CHFR: variants seen among roughly 807,000 people sequenced by gnomAD.
CHFR encodes E3 ubiquitin-protein ligase CHFR.
A neutral mutation model predicts 87.6 loss-of-function variants in CHFR; 57 were observed. The ratio of observed to expected loss-of-function variants is 0.65; its 90% confidence interval spans 0.53 to 0.81. The LOEUF (loss-of-function observed/expected upper bound fraction) is 0.81, where lower values mean the gene tolerates loss of function less well. CHFR is among the 30% of genes least tolerant of loss of function. CHFR has a pLI of 0.00. For synonymous variants in CHFR, 381 were observed against 359.2 expected (o/e 1.06, Z -0.69); for missense variants, 797 against 865.8 (o/e 0.92, Z 1.00).
intron 2 of CHFR, among the ~76,000 whole-genome samples, chr12:132,884,161 G>A (rs1181330877): frequency 6.6e-6 from 1 of 151,542 alleles, no homozygotes; most frequent in Admixed American, 6.6e-5. Flanking sequence ...GCTCACGCCT[G>A]TAATCCCAGC....
intron 9 of CHFR, 143 bp downstream of exon 9, chr12:132,857,262 A>G (rs1406263359): frequency 3.5e-5 from 30 of 854,072 alleles, no homozygotes; most frequent in Non-Finnish European, 5.2e-5. Flanking sequence ...TGGTGGAGGG[A>G]CCACCCTCAC....
intron 14 of CHFR, chr12:132,847,846 A>T: frequency 2.2e-6 from 3 of 1,366,224 alleles, no homozygotes; most frequent in Non-Finnish European, 2.8e-6. Context: ...GCTCCTACGA[A>T]TTGGTGGCAG....
rs147700426 is a variant in CHFR, at chr12:132,868,663, G to C, written c.583+956C>G. Among the ~76,000 whole-genome samples, 754 of 152,338 alleles carry C rather than the reference G, an allele frequency of 4.9e-3. 5 individuals are homozygous for C. Among genetic ancestry groups the C allele is most frequent in the African/African-American group, 0.017 (698 of 41,564 alleles). ...CCACTGCACTCCAGCCTGAGCGACA[G>C]AGCGAGACTCCGTCTCAACAACAAC... On this transcript the variant is annotated intron_variant, in intron 6 of 17. Transcript: ENST00000450056.
intron 3 of CHFR, among the ~76,000 whole-genome samples, chr12:132,873,659 G>A (rs1202515267): frequency 7.1e-6 from 1 of 140,902 alleles, no homozygotes; most frequent in Non-Finnish European, 1.5e-5. Context: ...GAGTGCACAC[G>A]GACTTGGGTG....
At chr12:132,887,169 C>G in intron 2 of CHFR, 27 bp downstream of exon 2, 1 of 1,447,342 alleles carries the variant, frequency 6.9e-7, no homozygotes, top group Non-Finnish European at 9.1e-7. Flanking sequence ...CCGGCCCCGG[C>G]CCCCGGCCCC....
intron 11 of CHFR, among the ~76,000 whole-genome samples, chr12:132,852,282 C>G (rs1429666971): frequency 3.3e-5 from 5 of 152,042 alleles, no homozygotes; most frequent in Non-Finnish European, 2.9e-5. Flanking sequence ...GCCACCGTGC[C>G]CGGCCGATCT....
chr12:132,882,272 A>C (rs1423464170), intron 2 of CHFR, among the ~76,000 whole-genome samples: 1 of 152,194 alleles, frequency 6.6e-6, no homozygotes, highest in African/African-American at 2.4e-5. Context: ...AGCCAGGCGC[A>C]GAAGATGATG....
chr12:132,850,656 T>C (rs1432393270), intron 12 of CHFR, among the ~76,000 whole-genome samples: 1 of 152,040 alleles, frequency 6.6e-6, no homozygotes, highest in Non-Finnish European at 1.5e-5. Flanking sequence ...CAGTAACCTG[T>C]TTGGTTTCCT....
Position 132,843,036 on chromosome 12 carries a change from T to C in CHFR, c.1891A>G (p.Thr631Ala). ...PDCYWGRNCR[T>A]QVKAHHAMKF... is the part of the protein sequence containing the mutation. ...ATGGCGTGGTGAGCTTTCACCTGAG[T>C]GCGGCAGTTACGGCCCCAGTAGCAG... The change falls in exon 17 of 18, where the codon ACT (threonine) becomes GCT (alanine). Residue 631 changes from threonine to alanine, a missense_variant. By Grantham distance (58) the Thr-to-Ala change is moderately conservative. Transcript: ENST00000450056. The C allele has an allele frequency of 6.2e-7, 1 of 1,613,140 alleles. No homozygotes were observed. The highest frequency in any genetic ancestry group is 8.5e-7 in the Non-Finnish European group (1 of 1,179,714).
chr12:132,884,887 G>GACCAGCCTGGGCA (rs1161014366), intron 2 of CHFR, among the ~76,000 whole-genome samples: 1 of 152,056 alleles, frequency 6.6e-6, no homozygotes, highest in Non-Finnish European at 1.5e-5. Context: ...AGGAGTTCGA[G>GACCAGCCTGGGCA]ACCAGCCTGG....
chr12:132,857,918 T>A (rs927580827), intron 8 of CHFR, among the ~76,000 whole-genome samples: 1 of 152,228 alleles, frequency 6.6e-6, no homozygotes, highest in Admixed American at 6.5e-5. Context: ...CCTTCCCAGA[T>A]AAGGAGCATT....
intron 12 of CHFR, among the ~76,000 whole-genome samples, chr12:132,850,720 G>T (rs1455127236): frequency 6.6e-6 from 1 of 152,158 alleles, no homozygotes; most frequent in African/African-American, 2.4e-5. Context: ...CTGTGGTCCT[G>T]TGTGCTGCTC....
At position 132,840,758 on chromosome 12, in the gene CHFR, G is replaced by A. The variant is rs1354479573; in HGVS notation, c.*796C>T. 6.6e-6 allele frequency: 1 copy of A among 152,108 alleles called. No homozygotes were observed. The highest frequency in any genetic ancestry group is 1.5e-5 in the Non-Finnish European group (1 of 68,068). 9.4% of individuals were successfully genotyped at this position (152,108 alleles called of 1,614,324 possible). A position where few individuals can be genotyped will look rare whatever the true frequency, so the allele number is the denominator to read the frequency against. ...CAGCACGTCCTGGGACCTGCGTCCA[G>A]CCCCAGGCTCGGGGCCGCGGTCACT... On this transcript the variant is annotated 3_prime_UTR_variant, in exon 18 of 18. Coordinates refer to ENST00000450056, the MANE Select transcript of CHFR (RefSeq NM_001161346.2).
intron 7 of CHFR, 112 bp from the exon 8 acceptor site, chr12:132,859,339 G>T: frequency 9.6e-7 from 1 of 1,046,526 alleles, no homozygotes; most frequent in Non-Finnish European, 1.4e-6. Flanking sequence ...TCGTAACCGA[G>T]AAGGAAATAC....
chr12:132,854,108 A>C (rs998921774), intron 10 of CHFR: 2 of 152,504 alleles, frequency 1.3e-5, no homozygotes, highest in African/African-American at 4.8e-5. Flanking sequence ...TCTCCATTTG[A>C]AAGGCTTTTC....
chr12:132,861,094 G>T (rs1259369917), intron 7 of CHFR, among the ~76,000 whole-genome samples: 1 of 152,130 alleles, frequency 6.6e-6, no homozygotes, highest in Admixed American at 6.6e-5. Context: ...CTGTCGCCCA[G>T]GCTGGTCTCG....
chr12:132,858,095 G>A (rs1416378591), intron 8 of CHFR, among the ~76,000 whole-genome samples: 2 of 152,186 alleles, frequency 1.3e-5, no homozygotes, highest in African/African-American at 2.4e-5. Flanking sequence ...GGTGGCTCAC[G>A]TCTGTAATCC....
At chr12:132,858,519 G>A (rs369947250) in intron 8 of CHFR, among the ~76,000 whole-genome samples, 6 of 151,922 alleles carry the variant, frequency 3.9e-5, no homozygotes, top group African/African-American at 7.3e-5. Flanking sequence ...GAAGTCAGGA[G>A]TTCAAGACTA....
At chr12:132,874,760 G>GATGTA (rs1951585016) in intron 3 of CHFR, among the ~76,000 whole-genome samples, 1 of 149,348 alleles carries the variant, frequency 6.7e-6, no homozygotes, top group Admixed American at 6.7e-5. Context: ...GCCAGGCCCT[G>GATGTA]GAACAGGCGG....
Sources: allele counts gnomAD v4.1 joint callset (sites outside exome capture counted in the v4.1 genomes callset), GRCh38; gene constraint gnomAD v4.1.1; transcripts MANE v1.5; gene names NCBI Gene and HGNC (gene_info 2026-07-23, HGNC 2026-07-21).